Variants in CAST observed in about 807,000 individuals in gnomAD.
CAST encodes the protein MIR583 host.
In CAST, 76 loss-of-function variants were observed where a neutral mutation model predicts 119.6. The ratio of observed to expected loss-of-function variants is 0.64; its 90% confidence interval spans 0.53 to 0.77. CAST has a LOEUF of 0.77. Ranked by LOEUF, CAST falls within the 30% of genes least tolerant of loss-of-function variation. The pLI is 0.00. For synonymous variants in CAST, 319 were observed against 331.6 expected (o/e 0.96, Z 0.41); for missense variants, 953 against 946.5 (o/e 1.01, Z -0.09).
At chr5:95,983,693 A>C in the CAST span, among the ~76,000 whole-genome samples, 1 of 152,190 alleles carries the variant, frequency 6.6e-6, no homozygotes, top group East Asian at 1.9e-4. Context: ...ATATGTATTC[A>C]TATGTGTGTA....
the CAST span, among the ~76,000 whole-genome samples, chr5:96,179,833 G>A: frequency 1.3e-5 from 2 of 152,052 alleles, no homozygotes; most frequent in East Asian, 1.9e-4. Flanking sequence ...TCAGGAGATC[G>A]AGACCATCCT....
intron 9 of CAST, among the ~76,000 whole-genome samples, chr5:96,735,296 A>C (rs932896272): frequency 6.6e-6 from 1 of 152,252 alleles, no homozygotes; most frequent in Non-Finnish European, 1.5e-5. Context: ...ACTGTTATGC[A>C]AACCTTGGCA....
At chr5:96,220,303 T>C in the CAST span, among the ~76,000 whole-genome samples, 1 of 152,222 alleles carries the variant, frequency 6.6e-6, no homozygotes, top group Non-Finnish European at 1.5e-5. Flanking sequence ...TAATGTTTTG[T>C]GCCCCCTCTT....
the CAST span, among the ~76,000 whole-genome samples, chr5:96,318,165 T>C: frequency 2.6e-5 from 4 of 152,236 alleles, no homozygotes; most frequent in African/African-American, 7.2e-5. Flanking sequence ...GCTGATTCAT[T>C]TTCTTGCCTG....
chr5:96,382,183 C>T, the CAST span, among the ~76,000 whole-genome samples: 1 of 152,182 alleles, frequency 6.6e-6, no homozygotes, highest in East Asian at 1.9e-4. Context: ...TTCCTCTTTC[C>T]ATAGGATTCT....
At chr5:96,034,724 A>C in the CAST span, among the ~76,000 whole-genome samples, 2 of 151,524 alleles carry the variant, frequency 1.3e-5, no homozygotes, top group Non-Finnish European at 2.9e-5. Context: ...TATTCCTCCT[A>C]TCTAAATGAA....
the CAST span, among the ~76,000 whole-genome samples, chr5:96,106,530 G>T: frequency 6.6e-6 from 1 of 151,204 alleles, no homozygotes; most frequent in East Asian, 1.9e-4. Context: ...TAGTTGAGCG[G>T]TTTTGAGTGA....
the CAST span, among the ~76,000 whole-genome samples, chr5:96,214,194 C>T: frequency 1.3e-5 from 2 of 152,030 alleles, no homozygotes; most frequent in Non-Finnish European, 2.9e-5. Context: ...GAGATTGTAA[C>T]TTATAATGAA....
chr5:96,220,637 T>G, the CAST span, among the ~76,000 whole-genome samples: 1 of 152,252 alleles, frequency 6.6e-6, no homozygotes, highest in Non-Finnish European at 1.5e-5. Context: ...AGACATTTTT[T>G]GATGAATAAG....
the CAST span, among the ~76,000 whole-genome samples, chr5:95,982,886 A>G: frequency 1.3e-5 from 2 of 152,176 alleles, no homozygotes; most frequent in African/African-American, 2.4e-5. Context: ...TGCCCAAGAT[A>G]TTTTTTACAA....
intron 1 of CAST, among the ~76,000 whole-genome samples, chr5:96,643,867 A>C (rs155048): frequency 6.6e-6 from 1 of 151,716 alleles, no homozygotes; most frequent in Non-Finnish European, 1.5e-5. Flanking sequence ...GCGAGACTTC[A>C]TCTCAAAAAA....
At chr5:96,558,901 C>T in intron 1 of CAST, among the ~76,000 whole-genome samples, 1 of 151,710 alleles carries the variant, frequency 6.6e-6, no homozygotes, top group East Asian at 1.9e-4. Context: ...AGAGACACAA[C>T]AAAAAAAGAG....
At chr5:96,122,595 G>T in the CAST span, among the ~76,000 whole-genome samples, 1 of 152,274 alleles carries the variant, frequency 6.6e-6, no homozygotes, top group South Asian at 2.1e-4. Flanking sequence ...GTTCGGGCTG[G>T]AGGTGGTTCT....
At chr5:96,142,066 C>G in the CAST span, among the ~76,000 whole-genome samples, 1 of 152,128 alleles carries the variant, frequency 6.6e-6, no homozygotes. Context: ...TAGCAATAAT[C>G]TCATTAATTT....
At chr5:96,157,126 C>T in the CAST span, among the ~76,000 whole-genome samples, 2 of 152,104 alleles carry the variant, frequency 1.3e-5, no homozygotes, top group Admixed American at 6.5e-5. Context: ...ATTAAACTGT[C>T]AAGGTCAAGA....
In CAST at chr5:96,730,853, G is replaced by T. The variant is rs757141565; in HGVS notation, c.623G>T (p.Gly208Val). Residue 208 changes from glycine to valine, a missense_variant, in exon 9 of 32, where the codon GGT (glycine) becomes GTT (valine). Coordinates refer to ENST00000675179, the MANE Select transcript of CAST (RefSeq NM_001750.7). ...AGITAISGKP[G>V]DKKKEKKSLT... ...ATCACTGCAATATCTGGCAAGCCGG[G>T]TGACAAGGTGAGCACACACAAGCAG... 1 of 1,612,178 alleles carries T rather than the reference G, an allele frequency of 6.2e-7. No homozygotes were observed. Among genetic ancestry groups the T allele is most frequent in the Non-Finnish European group, 8.5e-7 (1 of 1,178,220 alleles).
chr5:96,718,760 CAACA>C (rs1757649299), intron 3 of CAST, among the ~76,000 whole-genome samples: 1 of 152,192 alleles, frequency 6.6e-6, no homozygotes, highest in East Asian at 1.9e-4. Flanking sequence ...TAGTAACCCT[CAACA>C]AACAAAGACA....
At chr5:96,578,567 A>G (rs982107289) in intron 1 of CAST, among the ~76,000 whole-genome samples, 1 of 152,052 alleles carries the variant, frequency 6.6e-6, no homozygotes, top group Non-Finnish European at 1.5e-5. Context: ...TTTAGTCTTG[A>G]CATATTTATT....
chr5:96,247,047 T>C, the CAST span, among the ~76,000 whole-genome samples: 5 of 152,346 alleles, frequency 3.3e-5, no homozygotes, highest in South Asian at 8.3e-4. Context: ...ATTAAGTATA[T>C]AGATCATTTA....
Sources: gnomAD v4.1 joint callset for allele counts (sites outside exome capture counted in the v4.1 genomes callset) on GRCh38, gnomAD v4.1.1 for gene constraint, MANE v1.5 for transcripts, NCBI Gene and HGNC (gene_info 2026-07-23, HGNC 2026-07-21) for gene names.